PARD3B: variants seen among roughly 807,000 people sequenced by gnomAD.
PARD3B encodes the protein par-3 family cell polarity regulator beta, also known as partitioning defective 3 homolog B.
Under a neutral mutation model 130.2 loss-of-function variants are expected in PARD3B, and 103 were observed. The ratio of observed to expected loss-of-function variants is 0.79; its 90% confidence interval spans 0.67 to 0.93. The LOEUF (loss-of-function observed/expected upper bound fraction) is 0.93, where lower values mean the gene tolerates loss of function less well. Among genes scored for constraint, PARD3B ranks in the 40% least tolerant of loss-of-function variants. The pLI is 0.00. For missense variants in PARD3B, 1,609 were observed against 1,499.2 expected (o/e 1.07, Z -1.21); for synonymous variants, 583 against 553.2 (o/e 1.05, Z -0.76).
At chr2:204,772,275 C>A (rs2041418960) in intron 2 of PARD3B, among the ~76,000 whole-genome samples, 1 of 152,050 alleles carries the variant, frequency 6.6e-6, no homozygotes, top group Non-Finnish European at 1.5e-5. Flanking sequence ...TTAGGAGAGT[C>A]AGTCCTGAAA....
At chr2:204,566,885 T>TC (rs1327223654) in intron 1 of PARD3B, among the ~76,000 whole-genome samples, 2 of 151,822 alleles carry the variant, frequency 1.3e-5, no homozygotes, top group East Asian at 3.9e-4. Context: ...AAACCTCTTT[T>TC]TTTTTTTTTT....
intron 3 of PARD3B, among the ~76,000 whole-genome samples, chr2:204,968,017 C>A (rs1251016800): frequency 6.6e-6 from 1 of 152,208 alleles, no homozygotes; most frequent in African/African-American, 2.4e-5. Context: ...CATCTCCCTT[C>A]CCCAGTCAGC....
intron 3 of PARD3B, among the ~76,000 whole-genome samples, chr2:204,998,171 G>A (rs1240102325): frequency 6.7e-6 from 1 of 149,168 alleles, no homozygotes; most frequent in East Asian, 2.0e-4. Flanking sequence ...GGCCTGTCAT[G>A]GGGTGGGATC....
chr2:204,931,534 C>A (rs189639742), intron 2 of PARD3B, among the ~76,000 whole-genome samples: 1 of 151,390 alleles, frequency 6.6e-6, no homozygotes. Flanking sequence ...TGTAAGATAG[C>A]CATTGTCCTT....
chr2:205,467,501 T>G (rs1033579626), intron 20 of PARD3B, among the ~76,000 whole-genome samples: 2 of 152,240 alleles, frequency 1.3e-5, no homozygotes, highest in African/African-American at 4.8e-5. Context: ...CTTTAAAAGT[T>G]GAATTAATTT....
chr2:204,634,936 A>G (rs1488235423), intron 1 of PARD3B, among the ~76,000 whole-genome samples: 2 of 152,174 alleles, frequency 1.3e-5, no homozygotes, highest in East Asian at 1.9e-4. Flanking sequence ...ATCCTGCGAG[A>G]TAGGTTGTAG....
At position 205,592,650 on chromosome 2, in the gene PARD3B, A is replaced by G. The variant is rs981604212; in HGVS notation, c.3261-22806A>G. Among the ~76,000 whole-genome samples, 9 of 152,236 alleles carry G rather than the reference A, an allele frequency of 5.9e-5. No homozygotes were observed. The highest frequency in any genetic ancestry group is 2.2e-4 in the African/African-American group (9 of 41,470). ...TATATTTAAGGTTTTTCATGATCTT[A>G]TATATCTTACCATATAAATCTAAAT... On this transcript the variant is annotated intron_variant, in intron 22 of 22. Transcript: ENST00000406610. This position sits in a 1 kb window ranked among gnomAD's most constrained non-coding sequence, Gnocchi z 4.5.
Position 204,545,879 on chromosome 2 carries a change from C to G in PARD3B, c.-121C>G. 8.6e-7 allele frequency: 1 copy of G among 1,169,152 alleles called. No homozygotes were observed. Among genetic ancestry groups the G allele is most frequent in the South Asian group, 1.8e-5 (1 of 56,386 alleles). 72.4% of individuals were successfully genotyped at this position (1,169,152 alleles called of 1,614,324 possible). ...CGAGCCTCCGGGCCTCAGGGTGTTC[C>G]GGGGAGCGGCGCCCCGGGTCTCTGG... On this transcript the variant is annotated 5_prime_UTR_variant, in exon 1 of 23. Coordinates refer to ENST00000406610, the MANE Select transcript of PARD3B (RefSeq NM_001302769.2).
intron 16 of PARD3B, among the ~76,000 whole-genome samples, chr2:205,284,970 G>T (rs1367358403): frequency 1.4e-5 from 2 of 142,824 alleles, no homozygotes; most frequent in African/African-American, 2.6e-5. Context: ...CTCAAAAGTT[G>T]ATTTTAAAAT....
chr2:204,830,358 T>C (rs954093608), intron 2 of PARD3B, among the ~76,000 whole-genome samples: 4 of 152,302 alleles, frequency 2.6e-5, no homozygotes, highest in Middle Eastern at 6.8e-3. Context: ...TTAGAGTTGT[T>C]TAAGTAATAC....
intron 2 of PARD3B, among the ~76,000 whole-genome samples, chr2:204,956,480 T>C (rs1690248551): frequency 6.6e-6 from 1 of 152,142 alleles, no homozygotes; most frequent in Non-Finnish European, 1.5e-5. Flanking sequence ...GTAAGATGTG[T>C]GTAATTTAGT....
chr2:204,727,204 T>A lies in PARD3B; in HGVS notation c.222+40922T>A, dbSNP rs191181459. Among the ~76,000 whole-genome samples the A allele has an allele frequency of 2.6e-5, 4 of 152,294 alleles. No individual in the cohort carries two copies. In the East Asian group the frequency reaches 7.7e-4, roughly 29 times the overall value. ...AGGTAACACAGCTCTTGTTTGTTTG[T>A]TTGTTTTATTTGTTTATTCCTTGTA... On this transcript the variant is annotated intron_variant, in intron 2 of 22. Transcript: ENST00000406610.
chr2:204,563,273 C>CTCT (rs2031462774), intron 1 of PARD3B, among the ~76,000 whole-genome samples: 1 of 139,330 alleles, frequency 7.2e-6, no homozygotes, highest in African/African-American at 2.7e-5. Context: ...CTCTTTCTCT[C>CTCT]TTCTCCCTTT....
chr2:204,897,350 G>A (rs930380027), intron 2 of PARD3B, among the ~76,000 whole-genome samples: 4 of 144,966 alleles, frequency 2.8e-5, no homozygotes, highest in Non-Finnish European at 4.5e-5. Context: ...TGTGTAGGCC[G>A]TAATAAATAT....
intron 2 of PARD3B, among the ~76,000 whole-genome samples, chr2:204,940,423 G>A (rs1158975743): frequency 1.3e-5 from 2 of 151,976 alleles, no homozygotes; most frequent in Admixed American, 6.6e-5. Context: ...TGACAGGTAA[G>A]TGACTGTGCA....
chr2:205,212,733 G>A (rs1445725258), intron 15 of PARD3B, among the ~76,000 whole-genome samples: 1 of 152,074 alleles, frequency 6.6e-6, no homozygotes, highest in African/African-American at 2.4e-5. Flanking sequence ...CAAAAGAATG[G>A]CAAAAGAATG....
At chr2:204,826,609 A>G (rs963050629) in intron 2 of PARD3B, among the ~76,000 whole-genome samples, 1 of 152,210 alleles carries the variant, frequency 6.6e-6, no homozygotes, top group Non-Finnish European at 1.5e-5. Context: ...GCTGATTGAT[A>G]GATAGTATCT....
At chr2:205,039,749 C>T (rs879279151) in intron 3 of PARD3B, among the ~76,000 whole-genome samples, 19 of 152,024 alleles carry the variant, frequency 1.2e-4, no homozygotes, top group Admixed American at 1.2e-3. Flanking sequence ...GGATTACTGG[C>T]GTGAGCCACC....
chr2:205,458,436 T>G lies in PARD3B; in HGVS notation c.3044+17764T>G, dbSNP rs2048344773. 6.6e-6 allele frequency among the ~76,000 whole-genome samples: 1 copy of G among 152,164 alleles called. No individual in the cohort carries two copies. Among genetic ancestry groups the G allele is most frequent in the Non-Finnish European group, 1.5e-5 (1 of 68,040 alleles). On this transcript the variant is annotated intron_variant, in intron 20 of 22. Transcript: ENST00000406610. This position sits in a 1 kb window ranked among gnomAD's most constrained non-coding sequence, Gnocchi z 4.8. ...TCTCTCTGTGATGCAGTCTGGTTTTTGAGTTCTCTGTCTTCTGATTTACTA... is the reference window on the plus strand; with the variant it reads ...TCTCTCTGTGATGCAGTCTGGTTTTGGAGTTCTCTGTCTTCTGATTTACTA...
Sources: allele counts gnomAD v4.1 joint callset (sites outside exome capture counted in the v4.1 genomes callset), GRCh38; gene constraint gnomAD v4.1.1; non-coding constraint Gnocchi (gnomAD v3.1); transcripts MANE v1.5; gene names NCBI Gene and HGNC (gene_info 2026-07-23, HGNC 2026-07-21).